AP3S1: variants seen among roughly 807,000 people sequenced by gnomAD.
The protein encoded by AP3S1 is adaptor related protein complex 3 subunit sigma 1.
AP3S1 carries 12 observed loss-of-function variants against 21.3 expected under a neutral mutation model. The observed-to-expected ratio is 0.56, with a 90% CI of 0.36 to 0.91. The LOEUF (loss-of-function observed/expected upper bound fraction) is 0.91, where lower values mean the gene tolerates loss of function less well. AP3S1 is among the 40% of genes least tolerant of loss of function. AP3S1 has a pLI of 0.01. For synonymous variants in AP3S1, 48 were observed against 78.4 expected (o/e 0.61, Z 2.05); for missense variants, 116 against 225.0 (o/e 0.52, Z 3.10).
chr5:115,877,097 T>G (rs1748788758), intron 3 of AP3S1, among the ~76,000 whole-genome samples: 1 of 152,200 alleles, frequency 6.6e-6, no homozygotes, highest in Admixed American at 6.5e-5. Flanking sequence ...TTATTAATAT[T>G]TATGGTGTTT....
intron 3 of AP3S1, among the ~76,000 whole-genome samples, chr5:115,892,600 G>T (rs1486008835): frequency 6.6e-6 from 1 of 152,126 alleles, no homozygotes; most frequent in Non-Finnish European, 1.5e-5. Flanking sequence ...GGATCTAAAA[G>T]TCAAAACAGT....
chr5:115,903,035 A>T (rs377646390), intron 5 of AP3S1, 43 bp downstream of exon 5: 5 of 1,362,362 alleles, frequency 3.7e-6, no homozygotes, highest in Non-Finnish European at 5.2e-6. Context: ...TCTAAGCATG[A>T]TGACAGATTA....
At chr5:115,902,301 T>C (rs1016362277) in intron 4 of AP3S1, among the ~76,000 whole-genome samples, 2 of 152,208 alleles carry the variant, frequency 1.3e-5, no homozygotes, top group Non-Finnish European at 2.9e-5. Context: ...ACATCATTTT[T>C]AGTCATTGTA....
At chr5:115,871,886 A>G (rs1389670751) in intron 3 of AP3S1, among the ~76,000 whole-genome samples, 1 of 152,196 alleles carries the variant, frequency 6.6e-6, no homozygotes, top group African/African-American at 2.4e-5. Context: ...GTGCACAGAT[A>G]AAATTGGCTT....
chr5:115,842,207 G>A, intron 1 of AP3S1, 101 bp downstream of exon 1: 1 of 1,436,336 alleles, frequency 7.0e-7, no homozygotes, highest in Non-Finnish European at 9.2e-7. Context: ...GCGCGCTGCG[G>A]CCCTTGTCCC....
intron 3 of AP3S1, among the ~76,000 whole-genome samples, chr5:115,890,864 G>C (rs1216180825): frequency 6.6e-6 from 1 of 152,158 alleles, no homozygotes; most frequent in African/African-American, 2.4e-5. Flanking sequence ...ATTAATAGGG[G>C]TCTAGGAAAA....
At chr5:115,910,914 G>A (rs1752050272) in intron 5 of AP3S1, among the ~76,000 whole-genome samples, 2 of 152,062 alleles carry the variant, frequency 1.3e-5, no homozygotes, top group Non-Finnish European at 2.9e-5. Context: ...TATTGAACAT[G>A]CTTGAGAAAT....
chr5:115,880,791 A>T (rs1323794552), intron 3 of AP3S1, among the ~76,000 whole-genome samples: 4 of 152,114 alleles, frequency 2.6e-5, no homozygotes, highest in Non-Finnish European at 5.9e-5. Flanking sequence ...TCTAATATTG[A>T]CAATGGGGTG....
At chr5:115,853,772 C>G (rs1044846034) in intron 1 of AP3S1, among the ~76,000 whole-genome samples, 1 of 152,132 alleles carries the variant, frequency 6.6e-6, no homozygotes, top group African/African-American at 2.4e-5. Context: ...CAGATTTTAT[C>G]TTGTTCTTGG....
chr5:115,862,495 G>A (rs1320450247), intron 1 of AP3S1, among the ~76,000 whole-genome samples: 1 of 152,130 alleles, frequency 6.6e-6, no homozygotes, highest in Admixed American at 6.5e-5. Context: ...TTCTCAGTAC[G>A]TGGTGCTACT....
chr5:115,910,836 A>T (rs1316048596), intron 5 of AP3S1, among the ~76,000 whole-genome samples: 1 of 152,164 alleles, frequency 6.6e-6, no homozygotes, highest in Non-Finnish European at 1.5e-5. Context: ...AGTTTAATTA[A>T]AACTTAAAGC....
intron 1 of AP3S1, 146 bp downstream of exon 1, chr5:115,842,252 T>G: frequency 2.3e-6 from 3 of 1,282,872 alleles, no homozygotes; most frequent in African/African-American, 1.6e-5. Context: ...GCTGTCAGCC[T>G]CCTGGTGGGT....
Position 115,844,039 on chromosome 5 carries a change from A to G in AP3S1, c.69+1933A>G, listed in dbSNP as rs184091743. The stretch of plus-strand genomic sequence containing the variant: ...GTCACTGGCCGTTTATAGGTGGAGT[A>G]TGAGAAGTTGTTTCTGTGTTTTAAG... On this transcript the variant is annotated intron_variant, in intron 1 of 5. Transcript: ENST00000316788. Among the ~76,000 whole-genome samples the G allele has an allele frequency of 8.5e-5, 13 of 152,340 alleles. No homozygotes were observed. In the East Asian group the frequency reaches 2.1e-3, roughly 25 times the overall value.
chr5:115,897,623 G>A (rs906817999), intron 4 of AP3S1, among the ~76,000 whole-genome samples: 1 of 151,552 alleles, frequency 6.6e-6, no homozygotes, highest in Non-Finnish European at 1.5e-5. Context: ...GTGTAGTGGC[G>A]ATCTCGGCTT....
chr5:115,873,241 T>A (rs1456732542), intron 3 of AP3S1, among the ~76,000 whole-genome samples: 2 of 152,158 alleles, frequency 1.3e-5, no homozygotes, highest in African/African-American at 4.8e-5. Context: ...AGAACAAACA[T>A]GGTATTAATA....
chr5:115,846,359 T>G (rs1452197027), intron 1 of AP3S1, among the ~76,000 whole-genome samples: 2 of 152,182 alleles, frequency 1.3e-5, no homozygotes, highest in East Asian at 3.9e-4. Context: ...GTGAATTATC[T>G]TAGTTGTTTC....
chr5:115,899,066 TCTC>T (rs1272007486), intron 4 of AP3S1, among the ~76,000 whole-genome samples: 3 of 152,158 alleles, frequency 2.0e-5, no homozygotes, highest in South Asian at 2.1e-4. Flanking sequence ...TATACTCTAT[TCTC>T]CTCTCTGCAT....
chr5:115,848,629 T>G (rs992546624), intron 1 of AP3S1, among the ~76,000 whole-genome samples: 17 of 152,256 alleles, frequency 1.1e-4, no homozygotes, highest in Admixed American at 7.2e-4. Context: ...GAGTTCATTC[T>G]TACCTTTAGC....
intron 1 of AP3S1, among the ~76,000 whole-genome samples, chr5:115,846,109 T>C (rs1279071677): frequency 6.6e-6 from 1 of 152,142 alleles, no homozygotes; most frequent in Non-Finnish European, 1.5e-5. Flanking sequence ...TTTACATAGC[T>C]ATCAAACAAA....
Sources: allele counts gnomAD v4.1 joint callset (sites outside exome capture counted in the v4.1 genomes callset), GRCh38; gene constraint gnomAD v4.1.1; transcripts MANE v1.5; gene names NCBI Gene and HGNC (gene_info 2026-07-23, HGNC 2026-07-21).